Variants in MEX3A observed in about 807,000 individuals in gnomAD.
MEX3A encodes the protein RNA-binding protein MEX3A.
MEX3A carries 4 observed loss-of-function variants against 30.0 expected under a neutral mutation model. The observed-to-expected ratio is 0.13, with a 90% CI of 0.07 to 0.30. The LOEUF is 0.30. MEX3A is among the 10% of genes least tolerant of loss of function. MEX3A has a pLI of 1.00. For synonymous variants in MEX3A, 335 were observed against 327.6 expected (o/e 1.02, Z -0.24); for missense variants, 555 against 736.7 (o/e 0.75, Z 2.86).
intron 1 of MEX3A, among the ~76,000 whole-genome samples, chr1:156,079,516 C>A (rs1308887280): frequency 6.6e-6 from 1 of 152,100 alleles, no homozygotes; most frequent in Non-Finnish European, 1.5e-5. Context: ...ACACCCTACA[C>A]CCTCCCCTCA....
At chr1:156,080,455 C>T (rs1462815588) in intron 1 of MEX3A, among the ~76,000 whole-genome samples, 1 of 152,094 alleles carries the variant, frequency 6.6e-6, no homozygotes, top group Non-Finnish European at 1.5e-5. Flanking sequence ...CACTCCCAGC[C>T]GGAATGCAGC....
At position 156,081,906 on chromosome 1, in the gene MEX3A, C is replaced by A; in HGVS notation, c.93G>T (p.Leu31=). 9 of 1,527,528 alleles carry A rather than the reference C, an allele frequency of 5.9e-6. No individual in the cohort carries two copies. The highest frequency in any genetic ancestry group is 7.9e-6 in the Non-Finnish European group (9 of 1,136,220). The allele number at this position is 1,527,528 out of a possible 1,614,324, so 94.6% of individuals were successfully genotyped here. Residue 31 remains leucine (L), a synonymous_variant, in exon 1 of 2, where the codon CTG becomes CTT. Coordinates refer to ENST00000532414, the MANE Select transcript of MEX3A (RefSeq NM_001093725.2). ...CFGGSAKDRG[L]LEDERALQLA... ...GCTGAAGGGCGCGCTCGTCTTCCAG[C>A]AGCCCTCGGTCCTTAGCGCTTCCCC...
chr1:156,079,433 C>T (rs1320321075), intron 1 of MEX3A, among the ~76,000 whole-genome samples: 1 of 152,094 alleles, frequency 6.6e-6, no homozygotes, highest in Admixed American at 6.5e-5. Flanking sequence ...CCAGGCTGGT[C>T]TTGAACTCCT....
At chr1:156,080,144 C>A (rs895364093) in intron 1 of MEX3A, among the ~76,000 whole-genome samples, 2 of 152,184 alleles carry the variant, frequency 1.3e-5, no homozygotes, top group African/African-American at 4.8e-5. Context: ...CGGGGCCTCC[C>A]AAGACCACCC....
Position 156,075,219 on chromosome 1 carries a change from A to T in MEX3A, c.*1355T>A, listed in dbSNP as rs1262232630. The T allele has an allele frequency of 6.6e-6, 1 of 152,364 alleles. No homozygotes were observed. The highest frequency in any genetic ancestry group is 1.5e-5 in the Non-Finnish European group (1 of 68,072). 9.4% of individuals were successfully genotyped at this position (152,364 alleles called of 1,614,324 possible). A position where few individuals can be genotyped will look rare whatever the true frequency, so the allele number is the denominator to read the frequency against. Reference sequence around the variant, plus strand: ...TCTCCTCAACCACATCAGGTGGGACACAGACTCCATGATTTGCATGGAGGA... The same window carrying T: ...TCTCCTCAACCACATCAGGTGGGACTCAGACTCCATGATTTGCATGGAGGA... On this transcript the variant is annotated 3_prime_UTR_variant, in exon 2 of 2. Coordinates refer to ENST00000532414, the MANE Select transcript of MEX3A (RefSeq NM_001093725.2).
intron 1 of MEX3A, among the ~76,000 whole-genome samples, chr1:156,080,453 G>C (rs867997718): frequency 1.3e-5 from 2 of 151,922 alleles, no homozygotes; most frequent in Non-Finnish European, 2.9e-5. Flanking sequence ...CGCACTCCCA[G>C]CCGGAATGCA....
Position 156,077,301 on chromosome 1 carries a change from C to T in MEX3A, c.836G>A (p.Arg279His), listed in dbSNP as rs372519333. The change falls in exon 2 of 2, where the codon CGT becomes CAT. Residue 279 changes from arginine (R) to histidine (H), a missense_variant. Physicochemically the swap from Arg to His is conservative, Grantham distance 29 (BLOSUM62 0). Around this residue, in one of 6 missense-constraint regions of MEX3A, gnomAD observed 33 missense variants for 100.9 expected, o/e 0.33. Coordinates refer to ENST00000532414, the MANE Select transcript of MEX3A (RefSeq NM_001093725.2). The surrounding 1 kb of genome is among the most constrained non-coding windows in gnomAD (Gnocchi z 8.3). Reference protein sequence around the residue: ...EITGAPGNVERAREEIETHIA... With the variant: ...EITGAPGNVEHAREEIETHIA... ...GTGCGTCTCGATCTCCTCGCGCGCA[C>T]GCTCCACGTTGCCTGGGGCACCCGT... 2.0e-5 allele frequency: 33 copies of T among 1,613,844 alleles called. No homozygotes were observed. The highest frequency in any genetic ancestry group is 2.6e-5 in the Non-Finnish European group (31 of 1,179,866).
chr1:156,082,071 AGGAGG>A lies in MEX3A; in HGVS notation c.-78_-74del. 1 of 324,576 alleles carries A rather than the reference AGGAGG, an allele frequency of 3.1e-6. No homozygotes were observed. The highest frequency in any genetic ancestry group is 5.2e-6 in the Non-Finnish European group (1 of 193,086). The allele number at this position is 324,576 out of a possible 1,614,324, so 20.1% of individuals were successfully genotyped here. ...GGTGGTGGAAGGGAAAAGAGGAGAG[AGGAGG>A]GGAGGGGAGAGGAGAGGAGGGGGTG... On this transcript the variant is annotated 5_prime_UTR_variant, in exon 1 of 2. Coordinates refer to ENST00000532414, the MANE Select transcript of MEX3A (RefSeq NM_001093725.2).
intron 1 of MEX3A, among the ~76,000 whole-genome samples, chr1:156,080,595 A>C (rs1470731518): frequency 6.7e-6 from 1 of 150,144 alleles, no homozygotes; most frequent in Non-Finnish European, 1.5e-5. Context: ...AAGGGTCCCC[A>C]AGATCCCGTC....
chr1:156,077,105 C>G lies in MEX3A; in HGVS notation c.1032G>C (p.Glu344Asp). The G allele has an allele frequency of 6.2e-7, 1 of 1,613,902 alleles. No individual in the cohort carries two copies. The highest frequency in any genetic ancestry group is 8.5e-7 in the Non-Finnish European group (1 of 1,179,838). ...FRQNSLGCIG[E>D]CGVDSGFEAP... is the part of the protein sequence containing the mutation. ...CCTCAAAGCCAGAGTCCACTCCGCACTCGCCGATGCAGCCCAGGCTGTTCT... is the reference window on the plus strand; with the variant it reads ...CCTCAAAGCCAGAGTCCACTCCGCAGTCGCCGATGCAGCCCAGGCTGTTCT... The change falls in exon 2 of 2, where the codon GAG becomes GAC. Residue 344 changes from glutamate to aspartate, a missense_variant. By Grantham distance (45) the Glu-to-Asp change is conservative (BLOSUM62 2). Transcript: ENST00000532414. The surrounding 1 kb of genome is among the most constrained non-coding windows in gnomAD (Gnocchi z 8.3).
chr1:156,077,311 T>C lies in MEX3A; in HGVS notation c.826A>G (p.Asn276Asp). 1 of 1,613,942 alleles carries C rather than the reference T, an allele frequency of 6.2e-7. No individual in the cohort carries two copies. Among genetic ancestry groups the C allele is most frequent in the Non-Finnish European group, 8.5e-7 (1 of 1,179,838 alleles). ...PVFEITGAPG[N>D]VERAREEIET... ...ATCTCCTCGCGCGCACGCTCCACGT[T>C]GCCTGGGGCACCCGTGATCTCGAAC... The change falls in exon 2 of 2, where the codon AAC (asparagine) becomes GAC (aspartate). Residue 276 changes from asparagine to aspartate, a missense_variant. This residue lies in a region of MEX3A where 33 missense variants were observed against 100.9 expected (regional missense o/e 0.33). Transcript: ENST00000532414. The surrounding 1 kb of genome is among the most constrained non-coding windows in gnomAD (Gnocchi z 8.3).
chr1:156,078,424 G>T (rs1387438660), intron 1 of MEX3A, among the ~76,000 whole-genome samples: 1 of 152,110 alleles, frequency 6.6e-6, no homozygotes, highest in Admixed American at 6.6e-5. Flanking sequence ...GCCCAACCCC[G>T]TGTCACTCTT....
At position 156,077,774 on chromosome 1, in the gene MEX3A, C is replaced by G. The variant is rs1206963944; in HGVS notation, c.455-92G>C. 6.9e-7 allele frequency: 1 copy of G among 1,455,022 alleles called. No homozygotes were observed. The highest frequency in any genetic ancestry group is 2.4e-5 in the East Asian group (1 of 41,448). The allele number at this position is 1,455,022 out of a possible 1,614,324, so 90.1% of individuals were successfully genotyped here. Reference sequence around the variant, plus strand: ...AAATTCCTGATCCTTACCCAAATACCTAGCCTCCCAGGAACACTTCAGTCT... The same window carrying G: ...AAATTCCTGATCCTTACCCAAATACGTAGCCTCCCAGGAACACTTCAGTCT... On this transcript the variant is annotated intron_variant, in intron 1 of 1. Transcript: ENST00000532414. The surrounding 1 kb of genome is among the most constrained non-coding windows in gnomAD (Gnocchi z 8.3).
chr1:156,077,827 C>T lies in MEX3A; in HGVS notation c.455-145G>A. 8.3e-7 allele frequency: 1 copy of T among 1,203,126 alleles called. No homozygotes were observed. The highest frequency in any genetic ancestry group is 1.1e-6 in the Non-Finnish European group (1 of 888,950). 74.5% of individuals were successfully genotyped at this position (1,203,126 alleles called of 1,614,324 possible). A position where few individuals can be genotyped will look rare whatever the true frequency, so the allele number is the denominator to read the frequency against. On this transcript the variant is annotated intron_variant, in intron 1 of 1. Transcript: ENST00000532414. The surrounding 1 kb of genome is among the most constrained non-coding windows in gnomAD (Gnocchi z 8.3). ...CCTTTGAAATGCCCACTGCTGCACA[C>T]ACAGTCCACCCTGACTTGAAGAAAC...
rs1228421170 is a variant in MEX3A at position 156,076,543 on chromosome 1, G to T, written c.*31C>A. The T allele has an allele frequency of 1.9e-6, 3 of 1,580,458 alleles. No homozygotes were observed. Among genetic ancestry groups the T allele is most frequent in the South Asian group, 2.3e-5 (2 of 87,472 alleles). On this transcript the variant is annotated 3_prime_UTR_variant, in exon 2 of 2. Coordinates refer to ENST00000532414, the MANE Select transcript of MEX3A (RefSeq NM_001093725.2). The surrounding 1 kb of genome is among the most constrained non-coding windows in gnomAD (Gnocchi z 6.0). The stretch of plus-strand genomic sequence containing the variant: ...AAACAGGTCCAGGGTGGGCCCAGTG[G>T]AGTGGGCCCCGGAGGCATGGGGCAC...
chr1:156,078,938 C>T (rs554914649), intron 1 of MEX3A, among the ~76,000 whole-genome samples: 1 of 152,294 alleles, frequency 6.6e-6, no homozygotes, highest in Admixed American at 6.5e-5. Context: ...AGCACACAAA[C>T]AGCACATTCC....
chr1:156,080,173 A>G (rs1042847085), intron 1 of MEX3A, among the ~76,000 whole-genome samples: 2 of 152,208 alleles, frequency 1.3e-5, no homozygotes, highest in Non-Finnish European at 1.5e-5. Flanking sequence ...AAGAAAAGAT[A>G]GCAATGTCCG....
chr1:156,079,559 TG>T, intron 1 of MEX3A, among the ~76,000 whole-genome samples: 1 of 152,286 alleles, frequency 6.6e-6, no homozygotes, highest in South Asian at 2.1e-4. Context: ...AAAATTTGCT[TG>T]TTTCCTCTTG....
intron 1 of MEX3A, among the ~76,000 whole-genome samples, chr1:156,081,014 A>G (rs769492193): frequency 7.9e-5 from 12 of 151,012 alleles, no homozygotes; most frequent in Non-Finnish European, 1.0e-4. Context: ...CCTCTTCCCC[A>G]GGCTGGGACC....
Sources: allele counts gnomAD v4.1 joint callset (sites outside exome capture counted in the v4.1 genomes callset), GRCh38; gene constraint gnomAD v4.1.1; regional missense constraint gnomAD v4.1.1; non-coding constraint Gnocchi (gnomAD v3.1); transcripts MANE v1.5; gene names NCBI Gene and HGNC (gene_info 2026-07-23, HGNC 2026-07-21).